PCDH15: variants seen among roughly 807,000 people sequenced by gnomAD.
PCDH15 encodes the protein protocadherin related 15.
Under a neutral mutation model 178.5 loss-of-function variants are expected in PCDH15, and 129 were observed. The observed-to-expected ratio is 0.72, with a 90% confidence interval of 0.63 to 0.84. The LOEUF is 0.84. PCDH15 is among the 40% of genes least tolerant of loss of function. The pLI, the probability that PCDH15 is intolerant of heterozygous loss-of-function variation, is 0.00. For missense variants in PCDH15, 2,230 were observed against 2,099.9 expected (o/e 1.06, Z -1.21); for synonymous variants, 800 against 732.0 (o/e 1.09, Z -1.50).
chr10:54,687,048 A>G (rs2095025394), intron 1 of PCDH15, among the ~76,000 whole-genome samples: 1 of 152,172 alleles, frequency 6.6e-6, no homozygotes, highest in African/African-American at 2.4e-5. Flanking sequence ...CCTAATGATA[A>G]GAAGAATGCA....
chr10:54,268,549 A>T (rs2057841916), intron 8 of PCDH15, among the ~76,000 whole-genome samples: 1 of 151,944 alleles, frequency 6.6e-6, no homozygotes, highest in Non-Finnish European at 1.5e-5. Flanking sequence ...AGAAACTGTG[A>T]TGCATATATA....
intron 2 of PCDH15, among the ~76,000 whole-genome samples, chr10:54,604,822 T>C (rs2092680475): frequency 6.6e-6 from 1 of 151,750 alleles, no homozygotes; most frequent in South Asian, 2.1e-4. Context: ...TTTCTTGATG[T>C]CTTATTTTGT....
At chr10:55,473,031 A>G (rs1194735910) in intron 2 of PCDH15, among the ~76,000 whole-genome samples, 1 of 152,204 alleles carries the variant, frequency 6.6e-6, no homozygotes, top group Non-Finnish European at 1.5e-5. Flanking sequence ...ACAACATTAG[A>G]GTGGAATGTC....
intron 2 of PCDH15, among the ~76,000 whole-genome samples, chr10:55,146,450 A>T (rs1340514131): frequency 6.6e-6 from 1 of 151,960 alleles, no homozygotes; most frequent in Non-Finnish European, 1.5e-5. Flanking sequence ...AGGAAGATGG[A>T]ATCTGGATTC....
chr10:54,096,068 T>C (rs1290336350), intron 15 of PCDH15, among the ~76,000 whole-genome samples: 1 of 152,134 alleles, frequency 6.6e-6, no homozygotes, highest in Non-Finnish European at 1.5e-5. Flanking sequence ...TTACACATAA[T>C]AAAATCTTAA....
chr10:55,178,420 A>C (rs1192539403), intron 1 of PCDH15, among the ~76,000 whole-genome samples: 1 of 152,164 alleles, frequency 6.6e-6, no homozygotes, highest in Non-Finnish European at 1.5e-5. Context: ...CTACAATCAG[A>C]GTATGGCAAA....
intron 13 of PCDH15, among the ~76,000 whole-genome samples, chr10:54,156,336 C>CA (rs1432217350): frequency 6.6e-6 from 1 of 151,986 alleles, no homozygotes; most frequent in Non-Finnish European, 1.5e-5. Flanking sequence ...GGGTAATTTA[C>CA]AAAGGGAAGG....
intron 3 of PCDH15, among the ~76,000 whole-genome samples, chr10:54,440,467 C>A (rs1415730572): frequency 6.6e-6 from 1 of 151,798 alleles, no homozygotes; most frequent in East Asian, 1.9e-4. Context: ...ATGATTTCAT[C>A]AATCAACAAA....
intron 2 of PCDH15, among the ~76,000 whole-genome samples, chr10:55,438,915 T>A (rs1439438947): frequency 6.6e-6 from 1 of 151,642 alleles, no homozygotes; most frequent in East Asian, 1.9e-4. Flanking sequence ...TTTATTTTTT[T>A]TGAGACAGAG....
chr10:55,599,841 G>A (rs1330439195), intron 2 of PCDH15: 9 of 1,081,984 alleles, frequency 8.3e-6, no homozygotes, highest in Non-Finnish European at 1.2e-5. Flanking sequence ...AAGGGTTGCG[G>A]TATCCTGAAC....
chr10:54,157,839 A>C (rs904863215), intron 13 of PCDH15, among the ~76,000 whole-genome samples: 8 of 152,126 alleles, frequency 5.3e-5, no homozygotes, highest in African/African-American at 1.9e-4. Context: ...ATCCCAAATC[A>C]TCTCTCTCAA....
chr10:53,964,733 C>T (rs577177529), intron 21 of PCDH15, among the ~76,000 whole-genome samples: 3 of 152,104 alleles, frequency 2.0e-5, no homozygotes, highest in South Asian at 4.1e-4. Flanking sequence ...GGTCAGTTCA[C>T]CCACTGAAGA....
At chr10:55,042,428 G>C (rs888132526) in intron 2 of PCDH15, among the ~76,000 whole-genome samples, 1 of 152,044 alleles carries the variant, frequency 6.6e-6, no homozygotes, top group African/African-American at 2.4e-5. Flanking sequence ...GAAGTATACA[G>C]CATATAGTGA....
intron 2 of PCDH15, among the ~76,000 whole-genome samples, chr10:54,906,267 C>A (rs1388165603): frequency 3.3e-5 from 5 of 152,096 alleles, no homozygotes; most frequent in African/African-American, 1.2e-4. Flanking sequence ...ACCCAGATGA[C>A]TATTCTCTCT....
At chr10:54,576,521 G>A (rs889588589) in intron 2 of PCDH15, among the ~76,000 whole-genome samples, 1 of 152,126 alleles carries the variant, frequency 6.6e-6, no homozygotes, top group Non-Finnish European at 1.5e-5. Context: ...TATTCTATCC[G>A]GTATTTGTTT....
intron 1 of PCDH15, among the ~76,000 whole-genome samples, chr10:55,228,301 GT>G (rs745826437): frequency 7.2e-5 from 11 of 151,944 alleles, no homozygotes; most frequent in Admixed American, 3.3e-4. Context: ...TACGTCAAGT[GT>G]TATTTTTAAA....
At chr10:54,290,470 T>G (rs1048358845) in intron 8 of PCDH15, among the ~76,000 whole-genome samples, 1 of 152,170 alleles carries the variant, frequency 6.6e-6, no homozygotes, top group Non-Finnish European at 1.5e-5. Flanking sequence ...ATGGATGCTA[T>G]GAAGAAACTG....
chr10:53,956,642 A>T (rs1202502122), intron 23 of PCDH15, among the ~76,000 whole-genome samples: 1 of 152,140 alleles, frequency 6.6e-6, no homozygotes, highest in African/African-American at 2.4e-5. Context: ...TTATGTGTGT[A>T]CAGTTGTGTA....
chr10:54,113,097 T>C (rs2095054071), intron 15 of PCDH15, among the ~76,000 whole-genome samples: 3 of 152,096 alleles, frequency 2.0e-5, no homozygotes. Flanking sequence ...GAGCTGACAA[T>C]TGCCAGGGAA....
Sources: gnomAD v4.1 joint callset for allele counts (sites outside exome capture counted in the v4.1 genomes callset) on GRCh38, gnomAD v4.1.1 for gene constraint, MANE v1.5 for transcripts, NCBI Gene and HGNC (gene_info 2026-07-23, HGNC 2026-07-21) for gene names.